The following MED14 variants were observed in gnomAD, a reference collection of about 807,000 sequenced individuals.
MED14 encodes the protein mediator of RNA polymerase II transcription subunit 14.
MED14 carries 8 observed loss-of-function variants against 109.0 expected under a neutral mutation model. That is an observed-to-expected ratio of 0.07 (90% CI 0.04 to 0.13). MED14 has a LOEUF of 0.13. MED14 is among the 10% of genes least tolerant of loss of function. The probability of loss-of-function intolerance (pLI) is 1.00; values close to 1 mark genes in which losing one functional copy is unlikely to be tolerated. For synonymous variants in MED14, 399 were observed against 408.7 expected (o/e 0.98, Z 0.29); for missense variants, 711 against 1,142.4 (o/e 0.62, Z 5.44).
In MED14 at chrX:40,691,607, C is replaced by CTTTTTTTTTTTTTTTTTT. The variant is rs36144185; in HGVS notation, c.1980+558_1980+575dup. Among the ~76,000 whole-genome samples, 33 of 59,450 alleles carry CTTTTTTTTTTTTTTTTTT rather than the reference C, an allele frequency of 5.6e-4. 2 individuals are homozygous for CTTTTTTTTTTTTTTTTTT. Among genetic ancestry groups the CTTTTTTTTTTTTTTTTTT allele is most frequent in the Non-Finnish European group, 8.4e-4 (28 of 33,179 alleles). The allele number at this position is 59,450 out of a possible 115,157, so 51.6% of individuals were successfully genotyped here. ...CAGCCTGTCCACTTTTTCTTTTAATCTTTTTTTTTTTTTTTTTTTTTGGAG... is the reference window on the plus strand; with the variant it reads ...CAGCCTGTCCACTTTTTCTTTTAATCTTTTTTTTTTTTTTTTTTTTTTTTTTTTTTTTTTTTTTTGGAG... On this transcript the variant is annotated intron_variant, in intron 15 of 30. Coordinates refer to ENST00000324817, the MANE Select transcript of MED14 (RefSeq NM_004229.4).
In MED14 at chrX:40,735,340, G is replaced by A. The variant is rs745454002; in HGVS notation, c.73C>T (p.Pro25Ser). The change falls in exon 1 of 31, where the codon CCG becomes TCG. Residue 25 changes from proline to serine, a missense_variant. Pro to Ser is a moderately conservative substitution (Grantham distance 74, BLOSUM62 -1). Coordinates refer to ENST00000324817, the MANE Select transcript of MED14 (RefSeq NM_004229.4). ...GGGGGAGGAGGGGCTGGGGCTGACG[G>A]GGGTCCGCCGCTGCCCCCGCCGCCG... The part of the protein sequence containing the change: ...GGGGGGSGGP[P>S]SAPAPPPPGA... 1.4e-5 allele frequency: 15 copies of A among 1,078,616 alleles called. No homozygotes were observed. The highest frequency in any genetic ancestry group is 1.2e-4 in the East Asian group (3 of 25,682). 88.9% of individuals were successfully genotyped at this position (1,078,616 alleles called of 1,213,427 possible).
intron 26 of MED14, among the ~76,000 whole-genome samples, chrX:40,661,002 C>T (rs1166413487): frequency 4.4e-5 from 5 of 112,383 alleles, no homozygotes; most frequent in Non-Finnish European, 9.4e-5. Flanking sequence ...GCAACCTCTA[C>T]CTCCCAGGTT....
intron 10 of MED14, among the ~76,000 whole-genome samples, chrX:40,706,687 G>T (rs1931155606): frequency 8.9e-6 from 1 of 111,866 alleles, no homozygotes; most frequent in African/African-American, 3.2e-5. Context: ...TCAGAACCTA[G>T]GTGAACAGCA....
At chrX:40,704,354 T>C in intron 10 of MED14, among the ~76,000 whole-genome samples, 1 of 112,247 alleles carries the variant, frequency 8.9e-6, no homozygotes, top group Non-Finnish European at 1.9e-5. Context: ...TGTTACCAAG[T>C]TCCTCTGAAG....
At chrX:40,718,968 G>A (rs1931630744) in intron 3 of MED14, among the ~76,000 whole-genome samples, 1 of 112,246 alleles carries the variant, frequency 8.9e-6, no homozygotes, top group African/African-American at 3.2e-5. Context: ...CTGTGAATAT[G>A]TTTAATAATA....
At position 40,680,023 on chromosome X, in the gene MED14, C is replaced by A; in HGVS notation, c.2721G>T (p.Leu907=). ...TNTAYQCFSI[L]PQSSTHIRLA... ...GTCTGATGTGGGTGGACGACTGTGG[C>A]AGAATGGAGAAGCACTGGTAGGCAG... The change falls in exon 21 of 31, where the codon CTG becomes CTT. Residue 907 remains leucine, a synonymous_variant. Transcript: ENST00000324817. 1 of 1,210,709 alleles carries A rather than the reference C, an allele frequency of 8.3e-7. No homozygotes were observed. The highest frequency in any genetic ancestry group is 1.1e-6 in the Non-Finnish European group (1 of 894,612).
chrX:40,692,857 A>G lies in MED14; in HGVS notation c.1696T>C (p.Tyr566His). The G allele has an allele frequency of 8.4e-7, 1 of 1,195,617 alleles. No homozygotes were observed. ...TTCACAGACATAAAGTAGTACTTGT[A>G]CGACAGTTGTGTGGGTTTATTGGGA... ...EVPNKPTQLS[Y>H]KYYFMSVNAA... The change falls in exon 14 of 31, where the codon TAC becomes CAC. Residue 566 changes from tyrosine to histidine, a missense_variant. By Grantham distance (83) the Tyr-to-His change is moderately conservative. Transcript: ENST00000324817.
chrX:40,715,353 T>A (rs998531821), intron 3 of MED14, among the ~76,000 whole-genome samples: 2 of 111,672 alleles, frequency 1.8e-5, no homozygotes, highest in African/African-American at 6.5e-5. Flanking sequence ...GAAAACTCGA[T>A]AACCATCATA....
chrX:40,662,096 C>CCTCAAGA (rs1929303686), intron 26 of MED14, among the ~76,000 whole-genome samples: 1 of 111,729 alleles, frequency 9.0e-6, no homozygotes, highest in Admixed American at 9.5e-5. Context: ...GAACTCCTGA[C>CCTCAAGA]CTCAAGAGAT....
chrX:40,720,111 G>A (rs1931661357), intron 3 of MED14, among the ~76,000 whole-genome samples: 1 of 112,224 alleles, frequency 8.9e-6, no homozygotes, highest in Non-Finnish European at 1.9e-5. Flanking sequence ...AATGCTGAGA[G>A]GGTCAGAGCA....
At chrX:40,654,579 A>C (rs745493850) in intron 29 of MED14, 23 bp from the exon 30 acceptor site, 3 of 1,180,713 alleles carry the variant, frequency 2.5e-6, no homozygotes, top group South Asian at 3.6e-5. Context: ...AACACACACA[A>C]AGAGAATAAA....
At chrX:40,707,921 T>C (rs1330667424) in intron 10 of MED14, among the ~76,000 whole-genome samples, 1 of 111,873 alleles carries the variant, frequency 8.9e-6, no homozygotes, top group Non-Finnish European at 1.9e-5. Flanking sequence ...TCAATAAAGC[T>C]GTTAAGAAAA....
rs1226172170 is a variant in MED14 at position 40,729,304 on chromosome X, T to A, written c.242+15A>T. The A allele has an allele frequency of 5.9e-6, 7 of 1,191,715 alleles. No individual in the cohort carries two copies. In the Admixed American group the frequency reaches 1.4e-4, roughly 24 times the overall value. ...CAATAAAGAGACTTTAAGGGTTTTTTTTTTCCATACTCACCTTTCCACATC... is the reference window on the plus strand; with the variant it reads ...CAATAAAGAGACTTTAAGGGTTTTTATTTTCCATACTCACCTTTCCACATC... On this transcript the variant is annotated intron_variant, in intron 2 of 30. Transcript: ENST00000324817.
intron 10 of MED14, among the ~76,000 whole-genome samples, chrX:40,708,282 G>T (rs1931222162): frequency 9.0e-6 from 1 of 111,198 alleles, no homozygotes; most frequent in African/African-American, 3.3e-5. Context: ...TAATGCTTTG[G>T]TTTATCTTAG....
At chrX:40,720,042 C>G (rs1931659623) in intron 3 of MED14, among the ~76,000 whole-genome samples, 1 of 111,746 alleles carries the variant, frequency 8.9e-6, no homozygotes, top group Non-Finnish European at 1.9e-5. Flanking sequence ...CCCTCTAATT[C>G]TCATTGATGG....
chrX:40,731,814 T>C (rs1403889653), intron 1 of MED14, among the ~76,000 whole-genome samples: 1 of 112,488 alleles, frequency 8.9e-6, no homozygotes, highest in Admixed American at 9.4e-5. Context: ...CAAACACTAG[T>C]TATTATTTCT....
intron 12 of MED14, among the ~76,000 whole-genome samples, chrX:40,698,592 CTTTCA>C (rs1314045829): frequency 8.9e-6 from 1 of 112,154 alleles, no homozygotes; most frequent in African/African-American, 3.2e-5. Flanking sequence ...TATACATGTT[CTTTCA>C]TTTCTTTTTT....
At chrX:40,701,581 G>T (rs1006771142) in intron 11 of MED14, among the ~76,000 whole-genome samples, 1 of 110,751 alleles carries the variant, frequency 9.0e-6, no homozygotes, top group African/African-American at 3.3e-5. Flanking sequence ...TAAATTATAA[G>T]TATTTAAAAC....
At position 40,650,795 on chromosome X, in the gene MED14, T is replaced by G; in HGVS notation, c.*1011A>C. On this transcript the variant is annotated 3_prime_UTR_variant, in exon 31 of 31. Transcript: ENST00000324817. ...TTGTTTAGAACAATCCCAATTTTGG[T>G]GGGGAAGGAAAGGAGGATAAGTTAA... 1.3e-6 allele frequency: 1 copy of G among 753,839 alleles called. No individual in the cohort carries two copies. Among genetic ancestry groups the G allele is most frequent in the Non-Finnish European group, 1.6e-6 (1 of 638,930 alleles). 62.1% of individuals were successfully genotyped at this position (753,839 alleles called of 1,213,427 possible).
Sources: allele counts gnomAD v4.1 joint callset (sites outside exome capture counted in the v4.1 genomes callset), GRCh38; gene constraint gnomAD v4.1.1; transcripts MANE v1.5; gene names NCBI Gene and HGNC (gene_info 2026-07-23, HGNC 2026-07-21).